SPMIP2: variants seen among roughly 807,000 people sequenced by gnomAD.
The protein encoded by SPMIP2 is protein SPMIP2.
chr4:159,064,097 G>A, the SPMIP2 span, among the ~76,000 whole-genome samples: 1 of 152,158 alleles, frequency 6.6e-6, no homozygotes, highest in Non-Finnish European at 1.5e-5. Context: ...TGTAATCGCA[G>A]CTACTCAGGA....
the SPMIP2 span, among the ~76,000 whole-genome samples, chr4:159,054,867 C>T: frequency 1.4e-5 from 2 of 138,096 alleles, no homozygotes; most frequent in Admixed American, 7.5e-5. Context: ...CCATAATAAT[C>T]TCTGCAGCAT....
chr4:158,927,687 C>G, the SPMIP2 span, among the ~76,000 whole-genome samples: 1 of 152,228 alleles, frequency 6.6e-6, no homozygotes, highest in African/African-American at 2.4e-5. Flanking sequence ...CCTCAGCTTG[C>G]AGGGAGGTGT....
the SPMIP2 span, among the ~76,000 whole-genome samples, chr4:159,071,802 G>C: frequency 1.8e-5 from 1 of 57,022 alleles, no homozygotes. Flanking sequence ...TGTCAGAAAA[G>C]AGAGAGAGAT....
chr4:159,012,055 CAAAAA>C, the SPMIP2 span, among the ~76,000 whole-genome samples: 3 of 137,544 alleles, frequency 2.2e-5, no homozygotes, highest in Non-Finnish European at 3.2e-5. Flanking sequence ...GACTCTGTCT[CAAAAA>C]AAAAAAAAAA....
chr4:158,949,125 ATCTT>A, the SPMIP2 span, among the ~76,000 whole-genome samples: 1 of 152,140 alleles, frequency 6.6e-6, no homozygotes, highest in African/African-American at 2.4e-5. Context: ...ACCATACTGA[ATCTT>A]TATCCTGATC....
chr4:159,011,188 G>A, the SPMIP2 span, among the ~76,000 whole-genome samples: 5 of 152,162 alleles, frequency 3.3e-5, no homozygotes, highest in Non-Finnish European at 7.3e-5. Flanking sequence ...TCTTTCAACT[G>A]AAGTAGCCTG....
At chr4:158,991,119 A>G in the SPMIP2 span, among the ~76,000 whole-genome samples, 3,348 of 152,316 alleles carry the variant, frequency 0.022, 122 homozygotes, top group African/African-American at 0.076. Flanking sequence ...AAGATCTAAG[A>G]CTTTCTGTAA....
chr4:159,028,660 C>G, the SPMIP2 span, among the ~76,000 whole-genome samples: 1 of 152,060 alleles, frequency 6.6e-6, no homozygotes, highest in African/African-American at 2.4e-5. Context: ...TTGCATAGGA[C>G]CTGGAACTGG....
At chr4:159,019,135 A>T in the SPMIP2 span, among the ~76,000 whole-genome samples, 1 of 152,032 alleles carries the variant, frequency 6.6e-6, no homozygotes, top group African/African-American at 2.4e-5. Context: ...GTGTTCTAGA[A>T]GTCCTGGTTC....
At chr4:158,939,265 C>T in the SPMIP2 span, among the ~76,000 whole-genome samples, 15 of 152,004 alleles carry the variant, frequency 9.9e-5, no homozygotes, top group Non-Finnish European at 7.4e-5. Context: ...AAAGTTGATC[C>T]AACTTATTTT....
the SPMIP2 span, among the ~76,000 whole-genome samples, chr4:159,036,925 T>A: frequency 6.6e-6 from 1 of 152,212 alleles, no homozygotes; most frequent in Non-Finnish European, 1.5e-5. Flanking sequence ...CTCCTAGTTG[T>A]GTCTTTGAAA....
At chr4:158,936,691 G>A in the SPMIP2 span, among the ~76,000 whole-genome samples, 1 of 152,210 alleles carries the variant, frequency 6.6e-6, no homozygotes, top group Non-Finnish European at 1.5e-5. Context: ...CAAGACCTCT[G>A]CTCTTTAAAG....
At chr4:158,929,810 G>C in the SPMIP2 span, among the ~76,000 whole-genome samples, 2 of 152,122 alleles carry the variant, frequency 1.3e-5, no homozygotes, top group African/African-American at 4.8e-5. Context: ...TAGGAGAAAA[G>C]AGAAGTTACA....
the SPMIP2 span, among the ~76,000 whole-genome samples, chr4:159,026,736 TA>T: frequency 6.6e-6 from 1 of 151,658 alleles, no homozygotes. Flanking sequence ...AAATAAAAAA[TA>T]AAAAAATTAA....
the SPMIP2 span, among the ~76,000 whole-genome samples, chr4:158,979,790 T>TTC: frequency 8.7e-4 from 1 of 1,154 alleles, no homozygotes; most frequent in Non-Finnish European, 3.3e-3. Flanking sequence ...GTTGCAAGAG[T>TTC]TTTTTTTTTT....
At chr4:158,898,315 A>T in the SPMIP2 span, among the ~76,000 whole-genome samples, 1 of 152,192 alleles carries the variant, frequency 6.6e-6, no homozygotes, top group Non-Finnish European at 1.5e-5. Context: ...TGCCTTGGCT[A>T]TGCAGGCTCT....
the SPMIP2 span, among the ~76,000 whole-genome samples, chr4:158,917,635 G>T: frequency 6.6e-6 from 1 of 150,542 alleles, no homozygotes; most frequent in African/African-American, 2.5e-5. Flanking sequence ...CTGCAACTAA[G>T]TTGGGGCTTT....
At chr4:159,005,580 T>C in the SPMIP2 span, among the ~76,000 whole-genome samples, 1 of 152,202 alleles carries the variant, frequency 6.6e-6, no homozygotes, top group Non-Finnish European at 1.5e-5. Context: ...ACTAGCCACA[T>C]GTGTTATTGT....
At chr4:158,987,525 C>G in the SPMIP2 span, among the ~76,000 whole-genome samples, 3 of 151,966 alleles carry the variant, frequency 2.0e-5, no homozygotes, top group Admixed American at 6.6e-5. Context: ...AGTCAACTAT[C>G]GCAAGGACAA....
Sources: gnomAD v4.1 joint callset for allele counts (sites outside exome capture counted in the v4.1 genomes callset) on GRCh38, gnomAD v4.1.1 for gene constraint, MANE v1.5 for transcripts, NCBI Gene and HGNC (gene_info 2026-07-23, HGNC 2026-07-21) for gene names.